Variants in CLDN18 observed in about 807,000 individuals in gnomAD.
The protein encoded by CLDN18 is claudin 18, also known as claudin-18.
In CLDN18, 20 loss-of-function variants were observed where a neutral mutation model predicts 25.0. That is an observed-to-expected ratio of 0.80 (90% CI 0.56 to 1.16). The LOEUF (loss-of-function observed/expected upper bound fraction) is 1.16. Ranked by LOEUF, CLDN18 falls within the 50% of genes most tolerant of loss-of-function variation. The pLI is 0.00. For synonymous variants in CLDN18, 125 were observed against 135.6 expected, an observed-to-expected ratio of 0.92 and a Z score of 0.54; for missense variants, 297 against 345.4, an observed-to-expected ratio of 0.86 and a Z score of 1.11.
intron 4 of CLDN18, among the ~76,000 whole-genome samples, chr3:138,030,380 A>C (rs1355634936): frequency 6.6e-6 from 1 of 152,234 alleles, no homozygotes; most frequent in African/African-American, 2.4e-5. Flanking sequence ...GCTGCTGAGA[A>C]ACTCTGCTGT....
At chr3:137,999,696 T>C (rs1329480887) in intron 1 of CLDN18, among the ~76,000 whole-genome samples, 1 of 152,196 alleles carries the variant, frequency 6.6e-6, no homozygotes, top group Admixed American at 6.5e-5. Flanking sequence ...GGGCGCTCTC[T>C]GCACAGGGGA....
At position 138,023,008 on chromosome 3, in the gene CLDN18, T is replaced by A. The variant is rs1201648884; in HGVS notation, c.221-650T>A. ...GACTGATTCCTAGAAAGGAAACTGC[T>A]GATAAACTGTAGTCTAGATGAAAGG... On this transcript the variant is annotated intron_variant, in intron 1 of 4. Transcript: ENST00000183605. Among the ~76,000 whole-genome samples, 3 of 152,250 alleles carry A rather than the reference T, an allele frequency of 2.0e-5. No homozygotes were observed. The East Asian group carries it at 5.8e-4, about 29-fold the overall frequency.
At chr3:138,009,242 G>C (rs114429364), upstream of CLDN18, among the ~76,000 whole-genome samples, 2,042 of 152,280 alleles carry the variant, frequency 0.013, 19 homozygotes, top group Non-Finnish European at 0.022. Context: ...CCCAGCACAC[G>C]ACAAGTTAGG....
chr3:137,999,161 C>A, intron 1 of CLDN18: 2 of 1,353,212 alleles, frequency 1.5e-6, no homozygotes, highest in Non-Finnish European at 1.1e-6. Context: ...TCTGTCTGGG[C>A]ACCACGACAG....
At chr3:138,007,330 TG>T (rs1942079730), upstream of CLDN18, among the ~76,000 whole-genome samples, 1 of 152,202 alleles carries the variant, frequency 6.6e-6, no homozygotes, top group African/African-American at 2.4e-5. Flanking sequence ...GGATAAAATG[TG>T]GTACATATAC....
upstream of CLDN18, chr3:138,010,160 G>C: frequency 6.4e-7 from 1 of 1,570,998 alleles, no homozygotes; most frequent in Non-Finnish European, 8.6e-7. Flanking sequence ...GAGCGCGTTA[G>C]CTTCACACCT....
upstream of CLDN18, among the ~76,000 whole-genome samples, chr3:138,008,220 G>A (rs1349627489): frequency 6.9e-5 from 10 of 144,886 alleles, no homozygotes; most frequent in African/African-American, 2.0e-4. Context: ...ATGTATGTGG[G>A]GGGGGAGTGT....
At chr3:138,015,262 G>A (rs367990944) in intron 1 of CLDN18, among the ~76,000 whole-genome samples, 6 of 152,206 alleles carry the variant, frequency 3.9e-5, no homozygotes, top group Admixed American at 3.9e-4. Context: ...AAAACAGCCC[G>A]AGATGACACC....
At chr3:138,015,153 T>A (rs953467063) in intron 1 of CLDN18, among the ~76,000 whole-genome samples, 9 of 151,958 alleles carry the variant, frequency 5.9e-5, no homozygotes, top group South Asian at 2.1e-4. Context: ...AAAATATTTT[T>A]AAAAAAATAT....
intron 1 of CLDN18, among the ~76,000 whole-genome samples, chr3:138,000,618 G>A (rs534581661): frequency 6.6e-6 from 1 of 152,322 alleles, no homozygotes; most frequent in South Asian, 2.1e-4. Flanking sequence ...GATTGAATCA[G>A]TAGGACAGTC....
At chr3:138,018,625 C>T (rs1026128820) in intron 1 of CLDN18, among the ~76,000 whole-genome samples, 4 of 151,882 alleles carry the variant, frequency 2.6e-5, no homozygotes, top group Admixed American at 6.6e-5. Context: ...CGTGAGCCAC[C>T]GCACCCGGCC....
At chr3:138,019,462 C>T (rs892384953) in intron 1 of CLDN18, among the ~76,000 whole-genome samples, 28 of 152,140 alleles carry the variant, frequency 1.8e-4, no homozygotes, top group Non-Finnish European at 4.1e-4. Flanking sequence ...TCCTCCCATC[C>T]GCCTACTCCA....
chr3:138,023,752 C>T lies in CLDN18; in HGVS notation c.315C>T (p.Arg105=). ...LVSIFALKCI[R]IGSMEDSAKA... ...CCATCTTTGCCCTGAAATGCATCCGCATTGGCAGCATGGAGGACTCTGCCA... is the reference window on the plus strand; with the variant it reads ...CCATCTTTGCCCTGAAATGCATCCGTATTGGCAGCATGGAGGACTCTGCCA... Residue 105 remains arginine (R), a synonymous_variant, in exon 2 of 5, where the codon CGC becomes CGT. Transcript: ENST00000183605. 1.2e-6 allele frequency: 2 copies of T among 1,614,098 alleles called. No individual in the cohort carries two copies. Among genetic ancestry groups the T allele is most frequent in the Non-Finnish European group, 1.7e-6 (2 of 1,180,002 alleles).
At chr3:138,030,096 T>C (rs1048197047) in intron 4 of CLDN18, among the ~76,000 whole-genome samples, 189 bp downstream of exon 4, 1 of 152,276 alleles carries the variant, frequency 6.6e-6, no homozygotes, top group African/African-American at 2.4e-5. Flanking sequence ...CCTAGACTGA[T>C]TTAAATGTGA....
upstream of CLDN18, among the ~76,000 whole-genome samples, chr3:138,008,358 C>T (rs1005756151): frequency 6.6e-6 from 1 of 152,098 alleles, no homozygotes; most frequent in Non-Finnish European, 1.5e-5. Flanking sequence ...AATCCTGGCA[C>T]TTTGGGAGGC....
At chr3:138,000,692 C>A (rs1232952598) in intron 1 of CLDN18, among the ~76,000 whole-genome samples, 1 of 152,160 alleles carries the variant, frequency 6.6e-6, no homozygotes, top group East Asian at 1.9e-4. Context: ...GGAACGTGAG[C>A]CAGATGGGTG....
At chr3:137,999,826 T>G (rs1160369617) in intron 1 of CLDN18, among the ~76,000 whole-genome samples, 1 of 152,238 alleles carries the variant, frequency 6.6e-6, no homozygotes, top group East Asian at 1.9e-4. Context: ...AGTAGATTGG[T>G]CATTTTAACT....
chr3:138,023,862 A>C (rs1231628803), intron 2 of CLDN18, 40 bp downstream of exon 2: 1 of 1,580,936 alleles, frequency 6.3e-7, no homozygotes, highest in Non-Finnish European at 8.6e-7. Flanking sequence ...TGCGAATGTC[A>C]AAGCAAAATT....
At chr3:138,008,801 G>C (rs1253623387), upstream of CLDN18, among the ~76,000 whole-genome samples, 4 of 151,752 alleles carry the variant, frequency 2.6e-5, no homozygotes, top group African/African-American at 9.7e-5. Flanking sequence ...TGGTATGCAT[G>C]TATAGTTCCA....
Sources: gnomAD v4.1 joint callset for allele counts (sites outside exome capture counted in the v4.1 genomes callset) on GRCh38, gnomAD v4.1.1 for gene constraint, MANE v1.5 for transcripts, NCBI Gene and HGNC (gene_info 2026-07-23, HGNC 2026-07-21) for gene names.